CAMK1D: variants seen among roughly 807,000 people sequenced by gnomAD.
CAMK1D encodes the protein calcium/calmodulin-dependent protein kinase type 1D.
A neutral mutation model predicts 47.7 loss-of-function variants in CAMK1D; 9 were observed. That is an observed-to-expected ratio of 0.19 (90% CI 0.11 to 0.33). The LOEUF (loss-of-function observed/expected upper bound fraction) is 0.33, where lower values mean the gene tolerates loss of function less well. Ranked by LOEUF, CAMK1D falls within the 10% of genes least tolerant of loss-of-function variation. The pLI, the probability that CAMK1D is intolerant of heterozygous loss-of-function variation, is 1.00. For missense variants in CAMK1D, 291 were observed against 488.7 expected, an observed-to-expected ratio of 0.60 and a Z score of 3.81; for synonymous variants, 184 against 184.9, an observed-to-expected ratio of 0.99 and a Z score of 0.04.
chr10:12,541,712 G>C (rs1418490536), intron 1 of CAMK1D, among the ~76,000 whole-genome samples: 1 of 152,072 alleles, frequency 6.6e-6, no homozygotes, highest in Non-Finnish European at 1.5e-5. Context: ...GTAAGGGTTG[G>C]AGTTAGCAAA....
chr10:12,462,467 A>G (rs1833463971), intron 1 of CAMK1D, among the ~76,000 whole-genome samples: 2 of 94,536 alleles, frequency 2.1e-5, no homozygotes, highest in African/African-American at 3.8e-5. Flanking sequence ...CCTGGCCAAG[A>G]ATTTTTTTTT....
chr10:12,462,984 A>G (rs1833481740), intron 1 of CAMK1D, among the ~76,000 whole-genome samples: 1 of 152,238 alleles, frequency 6.6e-6, no homozygotes, highest in Non-Finnish European at 1.5e-5. Context: ...GGGCTGGAAG[A>G]AAAAATGAGC....
In CAMK1D at chr10:12,830,545, C is replaced by G. The variant is rs1220699346; in HGVS notation, c.*1658C>G. The G allele has an allele frequency of 1.3e-5, 2 of 152,242 alleles. No homozygotes were observed. Among genetic ancestry groups the G allele is most frequent in the Non-Finnish European group, 2.9e-5 (2 of 68,078 alleles). 9.4% of individuals were successfully genotyped at this position (152,242 alleles called of 1,614,324 possible). A position where few individuals can be genotyped will look rare whatever the true frequency, so the allele number is the denominator to read the frequency against. On this transcript the variant is annotated 3_prime_UTR_variant, in exon 11 of 11. Coordinates refer to ENST00000619168, the MANE Select transcript of CAMK1D (RefSeq NM_153498.4). ...TTTCTCAGGCTGTGGACATTTAATG[C>G]CAAAACCAGGAATATCCGGGGCAAA...
intron 2 of CAMK1D, among the ~76,000 whole-genome samples, chr10:12,554,155 C>A (rs4750236): frequency 0.37 from 54,400 of 146,998 alleles, 10,934 homozygotes; most frequent in South Asian, 0.41. Flanking sequence ...GCTCCCCTCC[C>A]CTCTCCTCTC....
chr10:12,802,676 A>G (rs1186775637), intron 6 of CAMK1D, among the ~76,000 whole-genome samples: 2 of 152,120 alleles, frequency 1.3e-5, no homozygotes, highest in African/African-American at 4.8e-5. Flanking sequence ...GTGTGCCACC[A>G]CGCCTGGCCA....
chr10:12,676,310 A>G (rs978331679), intron 3 of CAMK1D, among the ~76,000 whole-genome samples: 1 of 152,132 alleles, frequency 6.6e-6, no homozygotes, highest in Non-Finnish European at 1.5e-5. Context: ...ATTTCTGCCA[A>G]ATGTCACCTG....
At chr10:12,656,561 T>C (rs567425618) in intron 2 of CAMK1D, among the ~76,000 whole-genome samples, 7 of 152,358 alleles carry the variant, frequency 4.6e-5, no homozygotes, top group African/African-American at 1.4e-4. Flanking sequence ...TGTTTGTTTG[T>C]TTATAAGGAT....
intron 3 of CAMK1D, among the ~76,000 whole-genome samples, chr10:12,684,860 A>G (rs1013737795): frequency 7.2e-5 from 11 of 152,222 alleles, no homozygotes; most frequent in Admixed American, 6.5e-4. Context: ...TACTGTATAA[A>G]ACAGGCAAAC....
At chr10:12,734,419 C>CACAT (rs1379206070) in intron 3 of CAMK1D, among the ~76,000 whole-genome samples, 3 of 11,392 alleles carry the variant, frequency 2.6e-4, no homozygotes, top group African/African-American at 2.9e-4. Flanking sequence ...CACACACACA[C>CACAT]ATGTATATAT....
intron 2 of CAMK1D, among the ~76,000 whole-genome samples, chr10:12,582,448 A>T (rs1837690316): frequency 6.6e-6 from 1 of 152,052 alleles, no homozygotes; most frequent in African/African-American, 2.4e-5. Flanking sequence ...TTTGATGGGA[A>T]TTGCATGCTT....
intron 2 of CAMK1D, among the ~76,000 whole-genome samples, chr10:12,611,833 T>G (rs1838635468): frequency 6.6e-6 from 1 of 152,088 alleles, no homozygotes; most frequent in Non-Finnish European, 1.5e-5. Flanking sequence ...CCTCAGGCGA[T>G]CTACCCGCCT....
chr10:12,439,566 G>A (rs1832725703), intron 1 of CAMK1D, among the ~76,000 whole-genome samples: 1 of 152,190 alleles, frequency 6.6e-6, no homozygotes, highest in Admixed American at 6.5e-5. Context: ...GTGCACATCG[G>A]TGAAGGGTCC....
At chr10:12,586,254 T>C (rs1837813737) in intron 2 of CAMK1D, among the ~76,000 whole-genome samples, 1 of 152,082 alleles carries the variant, frequency 6.6e-6, no homozygotes, top group African/African-American at 2.4e-5. Flanking sequence ...CACAAAACTA[T>C]AGCATTTCTG....
chr10:12,804,037 G>T (rs1838604988), intron 6 of CAMK1D, among the ~76,000 whole-genome samples: 1 of 152,158 alleles, frequency 6.6e-6, no homozygotes, highest in African/African-American at 2.4e-5. Context: ...GGATGGGGTG[G>T]GCCCAGGGCA....
intron 10 of CAMK1D, among the ~76,000 whole-genome samples, chr10:12,827,311 C>CTTTTCTTTCT (rs1554831744): frequency 6.5e-5 from 8 of 123,634 alleles, no homozygotes; most frequent in East Asian, 2.4e-4. Context: ...CTCTCTTTTT[C>CTTTTCTTTCT]TTTTCTTTCT....
chr10:12,459,835 C>T (rs1023289506), intron 1 of CAMK1D, among the ~76,000 whole-genome samples: 2 of 152,158 alleles, frequency 1.3e-5, no homozygotes, highest in South Asian at 4.1e-4. Flanking sequence ...AAATAATGAG[C>T]AACATGGATC....
chr10:12,785,662 G>A (rs1588924979), intron 5 of CAMK1D, among the ~76,000 whole-genome samples: 2 of 152,126 alleles, frequency 1.3e-5, no homozygotes, highest in Non-Finnish European at 2.9e-5. Context: ...GAAGCTGGAC[G>A]CTGTGATTTT....
At chr10:12,523,976 C>G (rs11257853) in intron 1 of CAMK1D, among the ~76,000 whole-genome samples, 1 of 151,450 alleles carries the variant, frequency 6.6e-6, no homozygotes, top group African/African-American at 2.4e-5. Flanking sequence ...ACTGCAAGCT[C>G]TGCTTCCCGG....
At chr10:12,486,456 C>T (rs111256005) in intron 1 of CAMK1D, among the ~76,000 whole-genome samples, 4 of 152,146 alleles carry the variant, frequency 2.6e-5, no homozygotes, top group African/African-American at 7.2e-5. Context: ...CTGCACCTGG[C>T]GGGGACTTGT....
Sources: allele counts gnomAD v4.1 joint callset (sites outside exome capture counted in the v4.1 genomes callset), GRCh38; gene constraint gnomAD v4.1.1; transcripts MANE v1.5; gene names NCBI Gene and HGNC (gene_info 2026-07-23, HGNC 2026-07-21).